Variants in SS18L1 observed in about 807,000 individuals in gnomAD.
The protein encoded by SS18L1 is SS18L1 subunit of BAF chromatin remodeling complex.
SS18L1 carries 32 observed loss-of-function variants against 70.3 expected under a neutral mutation model. That is an observed-to-expected ratio of 0.46 (90% CI 0.34 to 0.61). The LOEUF (loss-of-function observed/expected upper bound fraction) is 0.61. Ranked by LOEUF, SS18L1 falls within the 20% of genes least tolerant of loss-of-function variation. The pLI is 0.01. For missense variants in SS18L1, 430 were observed against 542.1 expected, an observed-to-expected ratio of 0.79 and a Z score of 2.05; for synonymous variants, 237 against 229.7, an observed-to-expected ratio of 1.03 and a Z score of -0.29.
At position 62,182,424 on chromosome 20, in the gene SS18L1, T is replaced by G. The variant is rs1472416861; in HGVS notation, c.*3216T>G. The G allele has an allele frequency of 5.0e-6, 1 of 198,810 alleles. No individual in the cohort carries two copies. Among genetic ancestry groups the G allele is most frequent in the African/African-American group, 2.3e-5 (1 of 43,430 alleles). 12.3% of individuals were successfully genotyped at this position (198,810 alleles called of 1,614,324 possible). On this transcript the variant is annotated 3_prime_UTR_variant, in exon 11 of 11. Transcript: ENST00000331758. ...GGTTATTTTTTTTTCAGTCGGAGTT[T>G]GACGTATAAATTGTTTATGCTTTTG...
chr20:62,145,198 G>A (rs1263386687), intron 1 of SS18L1, among the ~76,000 whole-genome samples: 1 of 152,224 alleles, frequency 6.6e-6, no homozygotes, highest in Non-Finnish European at 1.5e-5. Flanking sequence ...ACTGTTCTAG[G>A]GGTTTTATAA....
chr20:62,156,350 G>A (rs947467563), intron 1 of SS18L1, among the ~76,000 whole-genome samples: 2 of 152,288 alleles, frequency 1.3e-5, no homozygotes, highest in South Asian at 2.1e-4. Context: ...CGCCTGGCAG[G>A]TGGACTCTCC....
intron 1 of SS18L1, among the ~76,000 whole-genome samples, chr20:62,157,339 A>G (rs1433140815): frequency 6.6e-6 from 1 of 152,154 alleles, no homozygotes; most frequent in Non-Finnish European, 1.5e-5. Flanking sequence ...GGGGCCACAG[A>G]GCACGTTCAG....
At chr20:62,162,113 A>G (rs138185821) in intron 4 of SS18L1, among the ~76,000 whole-genome samples, 1 of 152,270 alleles carries the variant, frequency 6.6e-6, no homozygotes, top group East Asian at 1.9e-4. Flanking sequence ...CCAAACTGTT[A>G]AATACTCGGG....
chr20:62,162,967 G>T, intron 5 of SS18L1, 36 bp downstream of exon 5: 1 of 1,603,694 alleles, frequency 6.2e-7, no homozygotes, highest in Admixed American at 1.7e-5. Flanking sequence ...GGGGGGCCTG[G>T]GCCTGCCTCC....
At chr20:62,164,931 T>G (rs1041533957) in intron 7 of SS18L1, among the ~76,000 whole-genome samples, 3 of 152,130 alleles carry the variant, frequency 2.0e-5, no homozygotes, top group Non-Finnish European at 4.4e-5. Context: ...AAAGTGGTCT[T>G]AAAGGCTGGA....
chr20:62,174,545 C>T lies in SS18L1; in HGVS notation c.1065C>T (p.Tyr355=), dbSNP rs755008318. 17 of 1,614,098 alleles carry T rather than the reference C, an allele frequency of 1.1e-5. No individual in the cohort carries two copies. In the East Asian group the frequency reaches 3.8e-4, roughly 36 times the overall value. ...YGSAQGAPSQ[Y]PGYQQGQGQQ... Reference sequence around the variant, plus strand: ...CTGCCCAGGGAGCCCCGTCACAGTACCCCGGCTACCAGCAAGGCCAAGGCC... The same window carrying T: ...CTGCCCAGGGAGCCCCGTCACAGTATCCCGGCTACCAGCAAGGCCAAGGCC... The change falls in exon 10 of 11, where the codon TAC becomes TAT. Residue 355 remains tyrosine, a synonymous_variant. Coordinates refer to ENST00000331758, the MANE Select transcript of SS18L1 (RefSeq NM_198935.3). This position sits in a 1 kb window ranked among gnomAD's most constrained non-coding sequence, Gnocchi z 4.1.
At position 62,161,237 on chromosome 20, in the gene SS18L1, G is replaced by A. The variant is rs2057324714; in HGVS notation, c.232-199G>A. 6.6e-6 allele frequency among the ~76,000 whole-genome samples: 1 copy of A among 150,850 alleles called. No individual in the cohort carries two copies. The highest frequency in any genetic ancestry group is 6.6e-5 in the Admixed American group (1 of 15,098). On this transcript the variant is annotated intron_variant, in intron 3 of 10. Coordinates refer to ENST00000331758, the MANE Select transcript of SS18L1 (RefSeq NM_198935.3). This position sits in a 1 kb window ranked among gnomAD's most constrained non-coding sequence, Gnocchi z 4.4. ...TAGGGTTGTGAACGCTCACCCAGAT[G>A]CTCACTCTGCCATCTCCATCTGGGC...
At chr20:62,178,220 C>T (rs540939392) in intron 10 of SS18L1, among the ~76,000 whole-genome samples, 1 of 144,236 alleles carries the variant, frequency 6.9e-6, no homozygotes, top group South Asian at 2.2e-4. Flanking sequence ...GATCTCGGTT[C>T]ACTGCAACCT....
chr20:62,156,815 G>T (rs2145720964), intron 1 of SS18L1, among the ~76,000 whole-genome samples: 1 of 152,370 alleles, frequency 6.6e-6, no homozygotes, highest in East Asian at 1.9e-4. Context: ...GGGCTCCCCT[G>T]CTCCAGGGCC....
rs1474525959 is a variant in SS18L1, at chr20:62,174,038, G to C, written c.1037-479G>C. Among the ~76,000 whole-genome samples the C allele has an allele frequency of 2.0e-5, 3 of 151,700 alleles. No homozygotes were observed. The highest frequency in any genetic ancestry group is 4.4e-5 in the Non-Finnish European group (3 of 67,952). On this transcript the variant is annotated intron_variant, in intron 9 of 10. Coordinates refer to ENST00000331758, the MANE Select transcript of SS18L1 (RefSeq NM_198935.3). The surrounding 1 kb of genome is among the most constrained non-coding windows in gnomAD (Gnocchi z 4.1). Reference sequence around the variant, plus strand: ...TGCCTAAAAAAAAAAAAAAAAATTGGCCTCTATCAGTTCTTGCCGGAGCCT... The same window carrying C: ...TGCCTAAAAAAAAAAAAAAAAATTGCCCTCTATCAGTTCTTGCCGGAGCCT...
chr20:62,169,051 TGTG>T (rs2057483118), intron 8 of SS18L1, among the ~76,000 whole-genome samples: 1 of 152,018 alleles, frequency 6.6e-6, no homozygotes, highest in South Asian at 2.1e-4. Flanking sequence ...AGCATCGGGA[TGTG>T]GTGCTCGGTG....
chr20:62,154,091 G>A (rs557125158), intron 1 of SS18L1, among the ~76,000 whole-genome samples: 4 of 152,260 alleles, frequency 2.6e-5, no homozygotes, highest in South Asian at 4.2e-4. Context: ...AGGACATGAC[G>A]CCGTACAAAG....
At chr20:62,150,859 CAG>C (rs1407331564) in intron 1 of SS18L1, among the ~76,000 whole-genome samples, 13 of 151,916 alleles carry the variant, frequency 8.6e-5, no homozygotes, top group Non-Finnish European at 1.9e-4. Flanking sequence ...CAGGTGTGTG[CAG>C]AGTCGGGAGG....
At chr20:62,165,833 G>A (rs2057419256) in intron 8 of SS18L1, among the ~76,000 whole-genome samples, 1 of 152,204 alleles carries the variant, frequency 6.6e-6, no homozygotes, top group African/African-American at 2.4e-5. Flanking sequence ...GGCCATGCTG[G>A]GGTTGGGGAC....
intron 1 of SS18L1, among the ~76,000 whole-genome samples, chr20:62,145,486 T>C (rs1464924426): frequency 2.6e-5 from 4 of 152,270 alleles, no homozygotes; most frequent in African/African-American, 9.6e-5. Context: ...CTCCTGGCAC[T>C]CTGGTTTTTT....
intron 8 of SS18L1, among the ~76,000 whole-genome samples, chr20:62,169,400 C>T (rs2057490405): frequency 6.6e-6 from 1 of 152,232 alleles, no homozygotes; most frequent in Admixed American, 6.5e-5. Context: ...AAGCGGCCAC[C>T]TTCCCAGGAC....
In SS18L1 at chr20:62,164,145, G is replaced by T; in HGVS notation, c.722G>T (p.Gly241Val). The T allele has an allele frequency of 1.3e-6, 2 of 1,549,398 alleles. No individual in the cohort carries two copies. Among genetic ancestry groups the T allele is most frequent in the Non-Finnish European group, 1.7e-6 (2 of 1,146,182 alleles). ...PMAPYRPSQQ[G>V]SSQQYLGQEE... ...GGCGCTGAATGTGGTTCCCCCGCAGGCTCTTCCCAGCAGTACCTGGGCCAG... is the reference window on the plus strand; with the variant it reads ...GGCGCTGAATGTGGTTCCCCCGCAGTCTCTTCCCAGCAGTACCTGGGCCAG... Residue 241 changes from glycine to valine, a missense_variant and splice_region_variant, in exon 7 of 11, where the codon GGC (glycine) becomes GTC (valine). Gly to Val is a moderately radical substitution (Grantham distance 109). Coordinates refer to ENST00000331758, the MANE Select transcript of SS18L1 (RefSeq NM_198935.3).
chr20:62,154,549 C>T, intron 1 of SS18L1: 3 of 1,014,652 alleles, frequency 3.0e-6, no homozygotes, highest in African/African-American at 1.7e-5. Flanking sequence ...GTCATCACAC[C>T]TCAGGGGGTG....
Sources: gnomAD v4.1 joint callset for allele counts (sites outside exome capture counted in the v4.1 genomes callset) on GRCh38, gnomAD v4.1.1 for gene constraint, Gnocchi (gnomAD v3.1) non-coding constraint, MANE v1.5 for transcripts, NCBI Gene and HGNC (gene_info 2026-07-23, HGNC 2026-07-21) for gene names.